SEMA3F: variants seen among roughly 807,000 people sequenced by gnomAD.
SEMA3F encodes the protein semaphorin-3F.
In SEMA3F, 30 loss-of-function variants were observed where a neutral mutation model predicts 98.5. The observed-to-expected ratio is 0.30, with a 90% CI of 0.23 to 0.41. The LOEUF (loss-of-function observed/expected upper bound fraction) is 0.41, where lower values mean the gene tolerates loss of function less well. Ranked by LOEUF, SEMA3F falls within the 10% of genes least tolerant of loss-of-function variation. The probability of loss-of-function intolerance (pLI) is 1.00; values close to 1 mark genes in which losing one functional copy is unlikely to be tolerated. For synonymous variants in SEMA3F, 380 were observed against 444.8 expected, an observed-to-expected ratio of 0.85 and a Z score of 1.83; for missense variants, 866 against 1,119.3, an observed-to-expected ratio of 0.77 and a Z score of 3.23.
At position 50,180,787 on chromosome 3, in the gene SEMA3F, C is replaced by A. The variant is rs553859151; in HGVS notation, c.644-1497C>A. Reference sequence around the variant, plus strand: ...ATTGCAAGAATCACCAAAATGTAGGCAAGGCGCGGTGGCTCATGCCTGTAA... The same window carrying A: ...ATTGCAAGAATCACCAAAATGTAGGAAAGGCGCGGTGGCTCATGCCTGTAA... On this transcript the variant is annotated intron_variant, in intron 7 of 18. Coordinates refer to ENST00000002829, the MANE Select transcript of SEMA3F (RefSeq NM_004186.5). 2.8e-4 allele frequency among the ~76,000 whole-genome samples: 43 copies of A among 152,268 alleles called. No individual in the cohort carries two copies. The South Asian group carries it at 8.7e-3, about 31-fold the overall frequency.
rs939566386 is a variant in SEMA3F at position 50,181,308 on chromosome 3, GT to G, written c.644-964del. On this transcript the variant is annotated intron_variant, in intron 7 of 18. Coordinates refer to ENST00000002829, the MANE Select transcript of SEMA3F (RefSeq NM_004186.5). ...CTATGCTCTTTTTTTGTTTTTTTGTGTTTTTTTTTTTTATTTTTGTTCCTGC... is the reference window on the plus strand; with the variant it reads ...CTATGCTCTTTTTTTGTTTTTTTGTGTTTTTTTTTTTATTTTTGTTCCTGC... Among the ~76,000 whole-genome samples, 504 of 144,002 alleles carry G rather than the reference GT, an allele frequency of 3.5e-3. 21 individuals carry two copies. In the South Asian group the frequency reaches 0.085, roughly 24 times the overall value. The allele number at this position is 144,002 out of a possible 152,430, so 94.5% of individuals were successfully genotyped here.
In SEMA3F at chr3:50,187,904, C is replaced by T; in HGVS notation, c.2147C>T (p.Pro716Leu). 1 of 1,609,124 alleles carries T rather than the reference C, an allele frequency of 6.2e-7. No homozygotes were observed. The highest frequency in any genetic ancestry group is 8.5e-7 in the Non-Finnish European group (1 of 1,177,364). Residue 716 changes from proline (P) to leucine (L), a missense_variant, in exon 19 of 19, where the codon CCA becomes CTA. Around this residue, in one of 3 missense-constraint regions of SEMA3F, gnomAD observed 245 missense variants for 260.5 expected, o/e 0.94. Coordinates refer to ENST00000002829, the MANE Select transcript of SEMA3F (RefSeq NM_004186.5). ...CCACCACTGTCCATGAGCGCCCCGC[C>T]ACCCCCAGGCGCAGGCCCCCCAACG... Reference protein sequence around the residue: ...LFPPLSMSAPPPPGAGPPTPP... With the variant: ...LFPPLSMSAPLPPGAGPPTPP...
rs868095382 is a variant in SEMA3F at position 50,158,688 on chromosome 3, G to C, written c.-48-887G>C. Among the ~76,000 whole-genome samples the C allele has an allele frequency of 1.3e-5, 2 of 152,336 alleles. No homozygotes were observed. Among genetic ancestry groups the C allele is most frequent in the South Asian group, 2.1e-4 (1 of 4,832 alleles). On this transcript the variant is annotated intron_variant, in intron 1 of 18. Transcript: ENST00000002829. The surrounding 1 kb of genome is among the most constrained non-coding windows in gnomAD (Gnocchi z 4.8). Reference sequence around the variant, plus strand: ...CGGTTGGGGGTGGTGGTAGGAGTTGGCGCTGGTTTGTGCCGGGAGGGAGCA... The same window carrying C: ...CGGTTGGGGGTGGTGGTAGGAGTTGCCGCTGGTTTGTGCCGGGAGGGAGCA...
In SEMA3F at chr3:50,184,791, A is replaced by G; in HGVS notation, c.1433A>G (p.Tyr478Cys). 1.2e-6 allele frequency: 2 copies of G among 1,613,860 alleles called. No homozygotes were observed. The highest frequency in any genetic ancestry group is 1.7e-6 in the Non-Finnish European group (2 of 1,179,880). ...VDQVDAADGR[Y>C]EVLFLGTDRG... ...CAGGTGGATGCAGCCGACGGGCGCT[A>G]TGAGGTGCTTTTCCTGGGCACAGGT... Residue 478 changes from tyrosine to cysteine, a missense_variant, in exon 13 of 19, where the codon TAT becomes TGT. By Grantham distance (194) the Tyr-to-Cys change is radical (BLOSUM62 -2). Around this residue, in one of 3 missense-constraint regions of SEMA3F, gnomAD observed 374 missense variants for 582.8 expected, o/e 0.64. Coordinates refer to ENST00000002829, the MANE Select transcript of SEMA3F (RefSeq NM_004186.5).
intron 2 of SEMA3F, among the ~76,000 whole-genome samples, chr3:50,169,643 G>A (rs1037441254): frequency 6.6e-6 from 1 of 152,276 alleles, no homozygotes; most frequent in African/African-American, 2.4e-5. Flanking sequence ...CAGAACCCTT[G>A]ATTGTGCCCA....
At chr3:50,172,974 CTT>C (rs1307099968) in intron 2 of SEMA3F, among the ~76,000 whole-genome samples, 4 of 152,214 alleles carry the variant, frequency 2.6e-5, no homozygotes, top group Non-Finnish European at 5.9e-5. Flanking sequence ...AGCAAAAACT[CTT>C]TGATGCTGTT....
intron 2 of SEMA3F, among the ~76,000 whole-genome samples, chr3:50,162,829 G>A (rs1238567031): frequency 6.6e-6 from 1 of 152,214 alleles, no homozygotes; most frequent in East Asian, 1.9e-4. Context: ...CAGTTGTGCT[G>A]CTAGGGAAGC....
At chr3:50,176,724 G>T in intron 6 of SEMA3F, 44 bp from the exon 7 acceptor site, 1 of 1,424,130 alleles carries the variant, frequency 7.0e-7, no homozygotes, top group Non-Finnish European at 9.9e-7. Context: ...CTTCCTGGCT[G>T]GGGGACTGGC....
chr3:50,174,407 T>A, intron 5 of SEMA3F, 57 bp downstream of exon 5: 1 of 1,558,988 alleles, frequency 6.4e-7, no homozygotes, highest in Non-Finnish European at 8.7e-7. Flanking sequence ...CATCCCAGGG[T>A]CCTGATGGGA....
At chr3:50,160,473 CGGT>C (rs1698163775) in intron 2 of SEMA3F, among the ~76,000 whole-genome samples, 1 of 152,196 alleles carries the variant, frequency 6.6e-6, no homozygotes, top group African/African-American at 2.4e-5. Flanking sequence ...TGCACGCACA[CGGT>C]ACACACATGG....
chr3:50,181,963 G>C (rs1042972064), intron 7 of SEMA3F, among the ~76,000 whole-genome samples: 10 of 152,338 alleles, frequency 6.6e-5, no homozygotes, highest in Non-Finnish European at 1.5e-4. Context: ...TTGTGTCTGT[G>C]GGGTAGAAAT....
At chr3:50,179,102 C>T (rs1698926117) in intron 7 of SEMA3F, among the ~76,000 whole-genome samples, 2 of 151,932 alleles carry the variant, frequency 1.3e-5, no homozygotes, top group East Asian at 2.0e-4. Context: ...GGATTACAGG[C>T]GTGAGCCACC....
chr3:50,176,093 G>C (rs917646286), intron 6 of SEMA3F, among the ~76,000 whole-genome samples: 6 of 152,148 alleles, frequency 3.9e-5, no homozygotes, highest in African/African-American at 1.2e-4. Context: ...TTGCAGGCTG[G>C]GCTGGGAGGC....
chr3:50,183,346 G>A lies in SEMA3F; in HGVS notation c.1089-74G>A, dbSNP rs545742804. ...GAACCCCAGCCCGGTGGCGAGCTGT[G>A]GGGAGGGGGCAGTTTGGGGAGGGGC... On this transcript the variant is annotated intron_variant, in intron 11 of 18. Coordinates refer to ENST00000002829, the MANE Select transcript of SEMA3F (RefSeq NM_004186.5). The A allele has an allele frequency of 1.8e-5, 29 of 1,604,654 alleles. No individual in the cohort carries two copies. In the East Asian group the frequency reaches 4.9e-4, roughly 27 times the overall value.
intron 1 of SEMA3F, among the ~76,000 whole-genome samples, chr3:50,157,062 C>T (rs1396440859): frequency 6.6e-6 from 1 of 151,996 alleles, no homozygotes; most frequent in Non-Finnish European, 1.5e-5. Context: ...TGATAATCTC[C>T]CCATGTTCCC....
At position 50,166,744 on chromosome 3, in the gene SEMA3F, G is replaced by A. The variant is rs1698420839; in HGVS notation, c.112+7010G>A. Among the ~76,000 whole-genome samples the A allele has an allele frequency of 6.6e-6, 1 of 152,222 alleles. No homozygotes were observed. The highest frequency in any genetic ancestry group is 2.4e-5 in the African/African-American group (1 of 41,460). On this transcript the variant is annotated intron_variant, in intron 2 of 18. Transcript: ENST00000002829. The surrounding 1 kb of genome is among the most constrained non-coding windows in gnomAD (Gnocchi z 4.7). ...GGGCCCAGGGGAGGGGGAGGGTTTT[G>A]ACACCCACCAGCCTGTTGGTCCCAT... is the stretch of plus-strand genomic sequence containing the variant.
chr3:50,163,321 T>C (rs529424028), intron 2 of SEMA3F, among the ~76,000 whole-genome samples: 11 of 152,350 alleles, frequency 7.2e-5, no homozygotes, highest in Non-Finnish European at 1.0e-4. Context: ...TCCATCACTC[T>C]GGCCCTTCCA....
intron 2 of SEMA3F, among the ~76,000 whole-genome samples, 195 bp from the exon 3 acceptor site, chr3:50,173,598 C>T (rs1458184520): frequency 2.6e-5 from 4 of 152,106 alleles, no homozygotes; most frequent in Non-Finnish European, 5.9e-5. Flanking sequence ...GCCGCAATCT[C>T]GCTACTGTAC....
chr3:50,186,155 G>T, intron 16 of SEMA3F, 109 bp downstream of exon 16: 2 of 1,456,634 alleles, frequency 1.4e-6, no homozygotes, highest in South Asian at 2.5e-5. Context: ...ATTACCCTAG[G>T]GGAGTCTTAT....
Sources: allele counts gnomAD v4.1 joint callset (sites outside exome capture counted in the v4.1 genomes callset), GRCh38; gene constraint gnomAD v4.1.1; regional missense constraint gnomAD v4.1.1; non-coding constraint Gnocchi (gnomAD v3.1); transcripts MANE v1.5; gene names NCBI Gene and HGNC (gene_info 2026-07-23, HGNC 2026-07-21).